The following RSF1 variants were observed in gnomAD, a reference collection of about 807,000 sequenced individuals.
The protein encoded by RSF1 is remodeling and spacing factor 1.
A neutral mutation model predicts 145.2 loss-of-function variants in RSF1; 13 were observed. The ratio of observed to expected loss-of-function variants is 0.09; its 90% CI spans 0.06 to 0.14. The LOEUF (loss-of-function observed/expected upper bound fraction) is 0.14, where lower values mean the gene tolerates loss of function less well. RSF1 is among the 10% of genes least tolerant of loss of function. The probability of loss-of-function intolerance (pLI) is 1.00; values close to 1 mark genes in which losing one functional copy is unlikely to be tolerated. For synonymous variants in RSF1, 577 were observed against 592.6 expected (o/e 0.97, Z 0.38); for missense variants, 1,517 against 1,718.2 (o/e 0.88, Z 2.07).
At chr11:77,838,858 C>T in the RSF1 span, among the ~76,000 whole-genome samples, 1,525 of 152,176 alleles carry the variant, frequency 0.01, 23 homozygotes, top group African/African-American at 0.033. Context: ...CCTCGTGATC[C>T]GCCCACCTGG....
intron 6 of RSF1, among the ~76,000 whole-genome samples, chr11:77,698,952 T>C (rs1337482683): frequency 6.6e-6 from 1 of 152,200 alleles, no homozygotes; most frequent in Non-Finnish European, 1.5e-5. Context: ...CTAGTCACAT[T>C]CTCCTAACAT....
At chr11:77,673,971 C>G (rs1339926354) in intron 14 of RSF1, among the ~76,000 whole-genome samples, 1 of 151,842 alleles carries the variant, frequency 6.6e-6, no homozygotes, top group Non-Finnish European at 1.5e-5. Context: ...TGGAATGGAT[C>G]CTGGGTTAGG....
rs984929930 is a variant in RSF1 at position 77,698,615 on chromosome 11, C to G, written c.2587G>C (p.Glu863Gln). ...GATGATTTTTCACTGCCAGACCCTT[C>G]ACTTTCATCATTGCTGGAATATTTC... is the stretch of plus-strand genomic sequence containing the variant. ...RWKYSSNDES[E>Q]GSGSEKSSAA... The change falls in exon 7 of 16, where the codon GAA (glutamate) becomes CAA (glutamine). Residue 863 changes from glutamate (E) to glutamine (Q), a missense_variant. Coordinates refer to ENST00000308488, the MANE Select transcript of RSF1 (RefSeq NM_016578.4). 12 of 1,614,058 alleles carry G rather than the reference C, an allele frequency of 7.4e-6. No individual in the cohort carries two copies. The highest frequency in any genetic ancestry group is 1.0e-5 in the Non-Finnish European group (12 of 1,180,034).
chr11:77,838,334 C>T, the RSF1 span, among the ~76,000 whole-genome samples: 1 of 152,166 alleles, frequency 6.6e-6, no homozygotes, highest in Non-Finnish European at 1.5e-5. Context: ...CATCTACAGT[C>T]AGTAGACTAG....
At chr11:77,698,739 C>T in intron 6 of RSF1, 46 bp from the exon 7 acceptor site, 1 of 1,512,230 alleles carries the variant, frequency 6.6e-7, no homozygotes, top group Non-Finnish European at 9.2e-7. Flanking sequence ...ATAAGAATGT[C>T]TTTTAAAAAT....
chr11:77,729,199 A>G (rs1170337201), intron 4 of RSF1, among the ~76,000 whole-genome samples: 2 of 152,214 alleles, frequency 1.3e-5, no homozygotes, highest in Non-Finnish European at 2.9e-5. Context: ...CTTGGTTATT[A>G]TATTTACATC....
intron 1 of RSF1, chr11:77,813,659 G>A (rs533864119): frequency 3.8e-5 from 21 of 558,506 alleles, no homozygotes; most frequent in East Asian, 7.0e-5. Context: ...GTGTTTTTCC[G>A]GTAACCTTCA....
the RSF1 span, among the ~76,000 whole-genome samples, chr11:77,840,028 A>C: frequency 6.6e-6 from 1 of 152,154 alleles, no homozygotes; most frequent in Non-Finnish European, 1.5e-5. Flanking sequence ...GCAAAAAAGC[A>C]AAATAAAGAC....
At chr11:77,794,399 G>A (rs1460165125) in intron 1 of RSF1, among the ~76,000 whole-genome samples, 1 of 151,964 alleles carries the variant, frequency 6.6e-6, no homozygotes, top group African/African-American at 2.4e-5. Context: ...CAAATACATG[G>A]GGCCAGGCTC....
chr11:77,842,583 G>T, the RSF1 span: 13 of 1,614,034 alleles, frequency 8.1e-6, no homozygotes, highest in Non-Finnish European at 1.1e-5. Context: ...GCAAAGTATG[G>T]CCAGGGGGTA....
At chr11:77,737,620 G>GTT (rs57778792) in intron 4 of RSF1, among the ~76,000 whole-genome samples, 1 of 86,668 alleles carries the variant, frequency 1.2e-5, no homozygotes, top group Admixed American at 1.3e-4. Flanking sequence ...GTGTTTTGGG[G>GTT]GGTGTGTGTG....
At chr11:77,712,304 C>T (rs535168656) in intron 5 of RSF1, among the ~76,000 whole-genome samples, 102 of 152,208 alleles carry the variant, frequency 6.7e-4, no homozygotes, top group Non-Finnish European at 8.4e-4. Flanking sequence ...CCCGCCAAGA[C>T]ATGCCTTTGC....
chr11:77,785,715 G>T (rs2135960978), intron 1 of RSF1, among the ~76,000 whole-genome samples: 3 of 151,776 alleles, frequency 2.0e-5, no homozygotes, highest in Admixed American at 2.0e-4. Flanking sequence ...ACTCTGGGAG[G>T]CCGAGGCAGG....
chr11:77,715,417 A>G (rs926331978), intron 5 of RSF1, among the ~76,000 whole-genome samples: 6 of 152,138 alleles, frequency 3.9e-5, no homozygotes, highest in African/African-American at 9.7e-5. Flanking sequence ...TAGTCTCCCT[A>G]TACTTGTTTA....
chr11:77,708,536 G>GTTTTAA (rs935725638), intron 5 of RSF1, among the ~76,000 whole-genome samples: 11 of 152,156 alleles, frequency 7.2e-5, no homozygotes, highest in African/African-American at 2.2e-4. Flanking sequence ...CTCAGAAAGA[G>GTTTTAA]TTTTAATCAA....
intron 1 of RSF1, among the ~76,000 whole-genome samples, chr11:77,778,595 C>T (rs1948372422): frequency 6.6e-6 from 1 of 152,146 alleles, no homozygotes; most frequent in Admixed American, 6.5e-5. Flanking sequence ...GATCTTCCTA[C>T]CTCAGCCTAC....
Position 77,675,072 on chromosome 11 carries a change from C to T in RSF1, c.3526G>A (p.Glu1176Lys), listed in dbSNP as rs781453500. 1 of 1,613,742 alleles carries T rather than the reference C, an allele frequency of 6.2e-7. No individual in the cohort carries two copies. The highest frequency in any genetic ancestry group is 2.2e-5 in the East Asian group (1 of 44,884). Residue 1176 changes from glutamate (E) to lysine (K), a missense_variant, in exon 14 of 16, where the codon GAA (glutamate) becomes AAA (lysine). Glu to Lys is a moderately conservative substitution (Grantham distance 56, BLOSUM62 1). This residue lies in a region of RSF1 where 231 missense variants were observed against 276.6 expected (regional missense o/e 0.84). Coordinates refer to ENST00000308488, the MANE Select transcript of RSF1 (RefSeq NM_016578.4). The stretch of plus-strand genomic sequence containing the variant: ...CTATTCTCCTCAGATTCCTCCTCTT[C>T]ATCATCATCGGAATATTTTTTCTTT... The part of the protein sequence containing the change: ...TPKKKYSDDD[E>K]EEESEENSRD...
the RSF1 span, among the ~76,000 whole-genome samples, chr11:77,833,049 T>A: frequency 7.2e-6 from 1 of 139,748 alleles, no homozygotes. Context: ...TCTCATTCTG[T>A]CACCCAGGCT....
the RSF1 span, among the ~76,000 whole-genome samples, chr11:77,845,718 AC>A: frequency 6.6e-6 from 1 of 152,172 alleles, no homozygotes; most frequent in Admixed American, 6.5e-5. Flanking sequence ...GTGAGCCACC[AC>A]ACCTAGCCCA....
Sources: gnomAD v4.1 joint callset for allele counts (sites outside exome capture counted in the v4.1 genomes callset) on GRCh38, gnomAD v4.1.1 for gene constraint, gnomAD v4.1.1 regional missense constraint, MANE v1.5 for transcripts, NCBI Gene and HGNC (gene_info 2026-07-23, HGNC 2026-07-21) for gene names.